Variants in TBC1D5 observed in about 807,000 individuals in gnomAD.
TBC1D5 encodes the protein TBC1 domain family, member 5.
A neutral mutation model predicts 100.3 loss-of-function variants in TBC1D5; 75 were observed. That is an observed-to-expected ratio of 0.75 (90% CI 0.62 to 0.91). The LOEUF (loss-of-function observed/expected upper bound fraction) is 0.91. Among genes scored for constraint, TBC1D5 ranks in the 40% least tolerant of loss-of-function variants. The probability of loss-of-function intolerance (pLI) is 0.00; values close to 1 mark genes in which losing one functional copy is unlikely to be tolerated. For missense variants in TBC1D5, 910 were observed against 942.4 expected, an observed-to-expected ratio of 0.97 and a Z score of 0.45; for synonymous variants, 323 against 325.6, an observed-to-expected ratio of 0.99 and a Z score of 0.09.
At chr3:17,460,615 T>G (rs1382730260) in intron 3 of TBC1D5, among the ~76,000 whole-genome samples, 1 of 152,138 alleles carries the variant, frequency 6.6e-6, no homozygotes, top group Non-Finnish European at 1.5e-5. Context: ...ATTTTATAAT[T>G]TGACTCTTGA....
At chr3:17,515,644 T>C (rs964039680) in intron 2 of TBC1D5, among the ~76,000 whole-genome samples, 44 of 152,312 alleles carry the variant, frequency 2.9e-4, no homozygotes, top group African/African-American at 1.0e-3. Flanking sequence ...TATAGGGTAG[T>C]TTCCTTTGTT....
chr3:17,573,795 CCTT>C (rs2096641293), intron 2 of TBC1D5, among the ~76,000 whole-genome samples: 1 of 151,870 alleles, frequency 6.6e-6, no homozygotes, highest in Non-Finnish European at 1.5e-5. Context: ...GTTTAAGAAC[CCTT>C]CTTCTGAGGT....
intron 1 of TBC1D5, among the ~76,000 whole-genome samples, chr3:17,666,996 T>C (rs539212217): frequency 2.6e-5 from 4 of 152,102 alleles, no homozygotes; most frequent in Non-Finnish European, 5.9e-5. Context: ...GTTAGAAAAA[T>C]ATAAAAATGA....
intron 2 of TBC1D5, among the ~76,000 whole-genome samples, chr3:17,544,481 T>C (rs1321995532): frequency 1.3e-5 from 2 of 152,038 alleles, no homozygotes; most frequent in Non-Finnish European, 1.5e-5. Flanking sequence ...TGAAACCCCA[T>C]CTCTACTAAA....
rs1044836712 is a variant in TBC1D5, at chr3:17,472,525, T to C, written c.97+35949A>G. 3.9e-5 allele frequency among the ~76,000 whole-genome samples: 6 copies of C among 152,314 alleles called. 1 individual carries two copies. The South Asian group carries it at 6.2e-4, about 16-fold the overall frequency. On this transcript the variant is annotated intron_variant, in intron 3 of 21. Transcript: ENST00000253692. Reference sequence around the variant, plus strand: ...CTAACTAAAATGGTAACACCCTCCTTAATTCATTTCCTACCCTTCTCCCAG... The same window carrying C: ...CTAACTAAAATGGTAACACCCTCCTCAATTCATTTCCTACCCTTCTCCCAG...
chr3:17,311,254 C>G (rs564695890), intron 13 of TBC1D5, among the ~76,000 whole-genome samples: 1 of 152,084 alleles, frequency 6.6e-6, no homozygotes, highest in African/African-American at 2.4e-5. Flanking sequence ...TTTATACTAT[C>G]AATCTTGCTT....
intron 1 of TBC1D5, among the ~76,000 whole-genome samples, chr3:17,627,235 C>G (rs1164757349): frequency 6.6e-6 from 1 of 152,054 alleles, no homozygotes; most frequent in African/African-American, 2.4e-5. Context: ...CAGGAGGGAA[C>G]AAAGAATGGC....
intron 1 of TBC1D5, among the ~76,000 whole-genome samples, chr3:17,724,654 T>C (rs1449712534): frequency 2.0e-5 from 3 of 152,246 alleles, no homozygotes; most frequent in African/African-American, 7.2e-5. Flanking sequence ...TGGTGCTTTT[T>C]ATCAGCTCTG....
At chr3:17,528,094 C>G (rs979553192) in intron 2 of TBC1D5, among the ~76,000 whole-genome samples, 2 of 152,044 alleles carry the variant, frequency 1.3e-5, no homozygotes, top group Non-Finnish European at 2.9e-5. Context: ...AGGTCTCACC[C>G]TGTCGCCCAG....
chr3:17,533,492 C>T (rs1367554615), intron 2 of TBC1D5, among the ~76,000 whole-genome samples: 1 of 152,132 alleles, frequency 6.6e-6, no homozygotes, highest in Non-Finnish European at 1.5e-5. Context: ...TTGGCACCAA[C>T]TCAAACAAAC....
intron 3 of TBC1D5, among the ~76,000 whole-genome samples, chr3:17,468,117 G>A (rs2095330110): frequency 6.6e-6 from 1 of 152,240 alleles, no homozygotes; most frequent in Non-Finnish European, 1.5e-5. Flanking sequence ...GAATCCAGTA[G>A]CAGGACCACT....
chr3:17,670,030 C>T (rs749297133), intron 1 of TBC1D5, among the ~76,000 whole-genome samples: 5 of 152,128 alleles, frequency 3.3e-5, no homozygotes, highest in Non-Finnish European at 5.9e-5. Context: ...GGATTACAGG[C>T]GCACGCCGCC....
At chr3:17,539,316 G>A (rs1576592398) in intron 2 of TBC1D5, among the ~76,000 whole-genome samples, 1 of 152,198 alleles carries the variant, frequency 6.6e-6, no homozygotes, top group East Asian at 1.9e-4. Context: ...AGAATAGACT[G>A]TAAATGTTTC....
intron 2 of TBC1D5, among the ~76,000 whole-genome samples, chr3:17,529,771 C>T (rs937706462): frequency 6.6e-6 from 1 of 151,812 alleles, no homozygotes; most frequent in Non-Finnish European, 1.5e-5. Flanking sequence ...CTCAGCCTCT[C>T]GAGTAGCTGG....
intron 17 of TBC1D5, among the ~76,000 whole-genome samples, chr3:17,230,112 T>C (rs1401031400): frequency 1.3e-5 from 2 of 152,200 alleles, no homozygotes; most frequent in African/African-American, 4.8e-5. Context: ...CCAATCAATA[T>C]AGTGCCATCT....
At chr3:17,264,616 G>C (rs774865261) in intron 15 of TBC1D5, among the ~76,000 whole-genome samples, 3 of 152,182 alleles carry the variant, frequency 2.0e-5, no homozygotes, top group Non-Finnish European at 4.4e-5. Flanking sequence ...CAGGCGCAGG[G>C]TGCCTGATAG....
At chr3:17,276,438 T>C (rs2080023817) in intron 15 of TBC1D5, among the ~76,000 whole-genome samples, 1 of 152,188 alleles carries the variant, frequency 6.6e-6, no homozygotes, top group African/African-American at 2.4e-5. Context: ...TGAGGATGGA[T>C]GTCAGTCTTG....
intron 2 of TBC1D5, among the ~76,000 whole-genome samples, chr3:17,570,278 C>A (rs1177710282): frequency 6.6e-6 from 1 of 151,984 alleles, no homozygotes; most frequent in African/African-American, 2.4e-5. Context: ...GAAGCATTGT[C>A]AAATGCCTAT....
intron 17 of TBC1D5, among the ~76,000 whole-genome samples, chr3:17,234,034 A>T (rs78570426): frequency 0.036 from 5,419 of 152,194 alleles, 317 homozygotes; most frequent in African/African-American, 0.12. Flanking sequence ...TGCTGAGCAT[A>T]TTTCATGATG....
Sources: gnomAD v4.1 joint callset for allele counts (sites outside exome capture counted in the v4.1 genomes callset) on GRCh38, gnomAD v4.1.1 for gene constraint, MANE v1.5 for transcripts, NCBI Gene and HGNC (gene_info 2026-07-23, HGNC 2026-07-21) for gene names.